The following WSB1 variants were observed in gnomAD, a reference collection of about 807,000 sequenced individuals.
WSB1 encodes the protein WD repeat and SOCS box-containing protein 1.
A neutral mutation model predicts 50.2 loss-of-function variants in WSB1; 23 were observed. The observed-to-expected ratio is 0.46, with a 90% confidence interval of 0.33 to 0.65. The LOEUF is 0.65. Among genes scored for constraint, WSB1 ranks in the 30% least tolerant of loss-of-function variants. The pLI, the probability that WSB1 is intolerant of heterozygous loss-of-function variation, is 0.02. For missense variants in WSB1, 492 were observed against 522.3 expected (o/e 0.94, Z 0.56); for synonymous variants, 179 against 172.0 (o/e 1.04, Z -0.32).
chr17:27,294,554 A>G (rs923671170), intron 1 of WSB1, 119 bp downstream of exon 1: 2 of 1,417,034 alleles, frequency 1.4e-6, no homozygotes, highest in African/African-American at 2.9e-5. Flanking sequence ...CGCCAGGGCC[A>G]GCCCACTAGC....
chr17:27,303,423 A>T lies in WSB1; in HGVS notation c.266A>T (p.Gln89Leu). The change falls in exon 3 of 9, where the codon CAA becomes CTA. Residue 89 changes from glutamine to leucine, a missense_variant. Physicochemically the swap from Gln to Leu is moderately radical, Grantham distance 113. Coordinates refer to ENST00000262394, the MANE Select transcript of WSB1 (RefSeq NM_015626.10). Reference protein sequence around the residue: ...TNSSSLRLPRQNSDGGQKNKP... With the variant: ...TNSSSLRLPRLNSDGGQKNKP... ...TCAAGCAGTTTAAGATTGCCAAGAC[A>T]AAATAGTGATGGTGGTCAGAAAAAT... is the stretch of plus-strand genomic sequence containing the variant. 1 of 1,614,114 alleles carries T rather than the reference A, an allele frequency of 6.2e-7. No homozygotes were observed. Among genetic ancestry groups the T allele is most frequent in the South Asian group, 1.1e-5 (1 of 91,090 alleles).
chr17:27,303,689 G>A, intron 3 of WSB1, 54 bp downstream of exon 3: 1 of 1,566,500 alleles, frequency 6.4e-7, no homozygotes, highest in Non-Finnish European at 8.6e-7. Context: ...GCAGGGCACT[G>A]CTTATAGGCA....
intron 6 of WSB1, 116 bp downstream of exon 6, chr17:27,309,388 T>C: frequency 1.0e-6 from 1 of 971,876 alleles, no homozygotes; most frequent in Non-Finnish European, 1.5e-6. Context: ...TAATTTAAAA[T>C]GTTGGTATTA....
chr17:27,309,310 C>A, intron 6 of WSB1, 38 bp downstream of exon 6: 1 of 1,422,016 alleles, frequency 7.0e-7, no homozygotes, highest in South Asian at 1.5e-5. Flanking sequence ...TATAATTCAT[C>A]TCCACCTATC....
At position 27,314,028 on chromosome 17, in the gene WSB1, A is replaced by G. The variant is rs535358876; in HGVS notation, c.*1659A>G. The G allele has an allele frequency of 1.1e-4, 16 of 152,304 alleles. No individual in the cohort carries two copies. Among genetic ancestry groups the G allele is most frequent in the African/African-American group, 3.8e-4 (16 of 41,578 alleles). 9.4% of individuals were successfully genotyped at this position (152,304 alleles called of 1,614,324 possible). ...TAAAAAAGCAAAACTCTTATGAGCC[A>G]TGTGTGATTTTGAAGACTCATTTCC... On this transcript the variant is annotated 3_prime_UTR_variant, in exon 9 of 9. Coordinates refer to ENST00000262394, the MANE Select transcript of WSB1 (RefSeq NM_015626.10).
chr17:27,308,269 C>T (rs2017536588), intron 5 of WSB1: 1 of 985,416 alleles, frequency 1.0e-6, no homozygotes, highest in Non-Finnish European at 1.2e-6. Flanking sequence ...TAGGATAAAC[C>T]TCCAAGCTCA....
Position 27,310,146 on chromosome 17 carries a change from C to T in WSB1, c.970C>T (p.Leu324=). 6.2e-7 allele frequency: 1 copy of T among 1,614,044 alleles called. No homozygotes were observed. Among genetic ancestry groups the T allele is most frequent in the South Asian group, 1.1e-5 (1 of 91,084 alleles). ...VRSVSFSHDG[L]HVASLADDKM... is the part of the protein sequence containing the mutation. ...ATCTGTATCTTTTAGCCATGATGGA[C>T]TGCATGTTGCAAGCCTTGCTGATGA... is the stretch of plus-strand genomic sequence containing the variant. Residue 324 remains leucine, a synonymous_variant, in exon 7 of 9, where the codon CTG becomes TTG. Coordinates refer to ENST00000262394, the MANE Select transcript of WSB1 (RefSeq NM_015626.10).
rs1157890820 is a variant in WSB1, at chr17:27,309,100, G to C, written c.712G>C (p.Val238Leu). ...MLCSVGASKA[V>L]FLWNMDKYTM... ...TATAACATTTGCCTTTTTATTGCAG[G>C]TTTTCCTTTGGAATATGGATAAATA... The change falls in exon 6 of 9, where the codon GTT becomes CTT. Residue 238 changes from valine to leucine, a missense_variant and splice_region_variant. Coordinates refer to ENST00000262394, the MANE Select transcript of WSB1 (RefSeq NM_015626.10). 1 of 1,593,058 alleles carries C rather than the reference G, an allele frequency of 6.3e-7. No homozygotes were observed. Among genetic ancestry groups the C allele is most frequent in the East Asian group, 2.3e-5 (1 of 44,414 alleles).
At chr17:27,296,024 G>C (rs1289249255) in intron 1 of WSB1, among the ~76,000 whole-genome samples, 3 of 151,982 alleles carry the variant, frequency 2.0e-5, no homozygotes, top group African/African-American at 7.2e-5. Context: ...AGTAGAGATG[G>C]GGTTTCTCCA....
rs555336521 is a variant in WSB1, at chr17:27,295,839, CTCT to C, written c.40+1406_40+1408del. ...AACTTTGCGGTCCTGTTTTCTCTCTCTCTTTTTTTTTTTTGAGATGGAGTTTTT... is the reference window on the plus strand; with the variant it reads ...AACTTTGCGGTCCTGTTTTCTCTCTCTTTTTTTTTTTGAGATGGAGTTTTT... On this transcript the variant is annotated intron_variant, in intron 1 of 8. Coordinates refer to ENST00000262394, the MANE Select transcript of WSB1 (RefSeq NM_015626.10). Among the ~76,000 whole-genome samples, 73 of 132,860 alleles carry C rather than the reference CTCT, an allele frequency of 5.5e-4. 2 individuals carry two copies. In the East Asian group the frequency reaches 9.7e-3, roughly 18 times the overall value. The allele number at this position is 132,860 out of a possible 152,430, so 87.2% of individuals were successfully genotyped here.
At position 27,312,228 on chromosome 17, in the gene WSB1, G is replaced by C; in HGVS notation, c.1125G>C (p.Val375=). The C allele has an allele frequency of 1.9e-6, 3 of 1,612,192 alleles. No homozygotes were observed. Among genetic ancestry groups the C allele is most frequent in the Non-Finnish European group, 2.5e-6 (3 of 1,179,570 alleles). The part of the protein sequence containing the change: ...VLAAGTHDGS[V]YFWATPRQVP... ...TGTTTAGGACACATGACGGAAGTGT[G>C]TATTTTTGGGCCACTCCACGGCAGG... The change falls in exon 9 of 9, where the codon GTG becomes GTC. Residue 375 remains valine, a synonymous_variant. Transcript: ENST00000262394.
chr17:27,297,164 AC>A (rs2017012082), intron 1 of WSB1: 1 of 149,788 alleles, frequency 6.7e-6, no homozygotes, highest in African/African-American at 2.4e-5. Flanking sequence ...CCGCTCTTTT[AC>A]TTTTTTTTTT....
chr17:27,299,537 G>A (rs1347098208), intron 1 of WSB1, among the ~76,000 whole-genome samples: 1 of 152,210 alleles, frequency 6.6e-6, no homozygotes, highest in East Asian at 1.9e-4. Flanking sequence ...GTGACGGCTA[G>A]TAAAGTTAAT....
At position 27,312,446 on chromosome 17, in the gene WSB1, ATC is replaced by A; in HGVS notation, c.*79_*80del. 1 of 1,546,360 alleles carries A rather than the reference ATC, an allele frequency of 6.5e-7. No homozygotes were observed. On this transcript the variant is annotated 3_prime_UTR_variant, in exon 9 of 9. Coordinates refer to ENST00000262394, the MANE Select transcript of WSB1 (RefSeq NM_015626.10). ...ACCTCAAGCTTTACTGACTTCAATT[ATC>A]TGTTTTTAAAGACGTAGAAGATTTA...
rs2017724772 is a variant in WSB1, at chr17:27,312,465, G to A, written c.*96G>A. 1 of 1,495,966 alleles carries A rather than the reference G, an allele frequency of 6.7e-7. No homozygotes were observed. The highest frequency in any genetic ancestry group is 1.3e-5 in the South Asian group (1 of 79,974). 92.7% of individuals were successfully genotyped at this position (1,495,966 alleles called of 1,614,324 possible). On this transcript the variant is annotated 3_prime_UTR_variant, in exon 9 of 9. Transcript: ENST00000262394. ...TCAATTATCTGTTTTTAAAGACGTA[G>A]AAGATTTATTTAATTTGATATGTTC... is the stretch of plus-strand genomic sequence containing the variant.
chr17:27,306,912 A>G (rs1389701502), intron 5 of WSB1, 30 bp downstream of exon 5: 1 of 1,596,504 alleles, frequency 6.3e-7, no homozygotes, highest in Non-Finnish European at 8.6e-7. Flanking sequence ...TACATTCATT[A>G]TGAATTGGAT....
Position 27,315,514 on chromosome 17 carries a change from G to A in WSB1, c.*3145G>A, listed in dbSNP as rs2017813128. On this transcript the variant is annotated 3_prime_UTR_variant, in exon 9 of 9. Coordinates refer to ENST00000262394, the MANE Select transcript of WSB1 (RefSeq NM_015626.10). ...CTCTTGGGTCGGCAAGACCAAAAAA[G>A]GTTGGACTGCACTGTAGCATGCTTA... 6.6e-6 allele frequency: 1 copy of A among 152,208 alleles called. No individual in the cohort carries two copies. The highest frequency in any genetic ancestry group is 2.4e-5 in the African/African-American group (1 of 41,444). 9.4% of individuals were successfully genotyped at this position (152,208 alleles called of 1,614,324 possible).
At chr17:27,294,496 G>A in intron 1 of WSB1, 61 bp downstream of exon 1, 1 of 1,596,408 alleles carries the variant, frequency 6.3e-7, no homozygotes, top group African/African-American at 1.3e-5. Context: ...ACTCCCCGGA[G>A]GAGGTTTGGG....
chr17:27,309,620 G>A (rs1199643428), intron 6 of WSB1, among the ~76,000 whole-genome samples: 1 of 149,470 alleles, frequency 6.7e-6, no homozygotes, highest in East Asian at 2.0e-4. Context: ...GTCTTGCTCT[G>A]TCGCCAGGCT....
Sources: gnomAD v4.1 joint callset for allele counts (sites outside exome capture counted in the v4.1 genomes callset) on GRCh38, gnomAD v4.1.1 for gene constraint, MANE v1.5 for transcripts, NCBI Gene and HGNC (gene_info 2026-07-23, HGNC 2026-07-21) for gene names.